MAP4K4: variants seen among roughly 807,000 people sequenced by gnomAD.
The protein encoded by MAP4K4 is HPK/GCK-like kinase HGK.
In MAP4K4, 38 loss-of-function variants were observed where a neutral mutation model predicts 189.6. That is an observed-to-expected ratio of 0.20 (90% confidence interval 0.15 to 0.26). The LOEUF is 0.26. Ranked by LOEUF, MAP4K4 falls within the 10% of genes least tolerant of loss-of-function variation. The pLI, the probability that MAP4K4 is intolerant of heterozygous loss-of-function variation, is 1.00. For missense variants in MAP4K4, 1,054 were observed against 1,726.9 expected, an observed-to-expected ratio of 0.61 and a Z score of 6.91; for synonymous variants, 610 against 624.3, an observed-to-expected ratio of 0.98 and a Z score of 0.34.
chr2:101,859,600 T>G (rs753751621), intron 14 of MAP4K4, 43 bp from the exon 15 acceptor site: 26 of 1,417,502 alleles, frequency 1.8e-5, no homozygotes, highest in Non-Finnish European at 2.3e-5. Flanking sequence ...AGGCGAGCTC[T>G]CCAGTGTCCC....
At chr2:101,707,669 T>C (rs2043044601) in intron 2 of MAP4K4, among the ~76,000 whole-genome samples, 1 of 150,288 alleles carries the variant, frequency 6.7e-6, no homozygotes, top group Non-Finnish European at 1.5e-5. Flanking sequence ...TGCACCACCA[T>C]GTCCAGCTAA....
At chr2:101,712,207 T>C (rs1197966182) in intron 2 of MAP4K4, among the ~76,000 whole-genome samples, 1 of 152,058 alleles carries the variant, frequency 6.6e-6, no homozygotes, top group Non-Finnish European at 1.5e-5. Context: ...TTATTTTTAT[T>C]TTTTTGAGAT....
At chr2:101,755,083 C>T (rs936466159) in intron 2 of MAP4K4, among the ~76,000 whole-genome samples, 1 of 151,946 alleles carries the variant, frequency 6.6e-6, no homozygotes, top group African/African-American at 2.4e-5. Flanking sequence ...TATAGGAATT[C>T]ACTTTGTTTG....
At chr2:101,706,219 G>T (rs2042242671) in intron 2 of MAP4K4, among the ~76,000 whole-genome samples, 1 of 152,092 alleles carries the variant, frequency 6.6e-6, no homozygotes. Context: ...TACTTATGTG[G>T]CTAGTTCATT....
chr2:101,860,623 T>A, intron 15 of MAP4K4: 1 of 497,432 alleles, frequency 2.0e-6, no homozygotes, highest in Non-Finnish European at 3.5e-6. Context: ...CTAATTTTTA[T>A]CTTCATAAAT....
chr2:101,889,860 T>TA (rs1322461647), intron 32 of MAP4K4, among the ~76,000 whole-genome samples: 3 of 152,184 alleles, frequency 2.0e-5, no homozygotes, highest in Non-Finnish European at 1.5e-5. Flanking sequence ...GCTTGCCCGA[T>TA]ACATCCCAAA....
intron 27 of MAP4K4, among the ~76,000 whole-genome samples, chr2:101,879,489 A>G (rs775896940): frequency 5.9e-5 from 9 of 152,194 alleles, no homozygotes; most frequent in Non-Finnish European, 1.0e-4. Flanking sequence ...AACATTATAT[A>G]TAAAACTGTG....
chr2:101,757,757 C>T (rs531237507), intron 2 of MAP4K4, among the ~76,000 whole-genome samples: 83 of 152,342 alleles, frequency 5.4e-4, no homozygotes, highest in Non-Finnish European at 6.9e-4. Context: ...TGGTGGCTCA[C>T]GCCTGTAATG....
At chr2:101,699,662 T>C (rs1452996451) in intron 2 of MAP4K4, among the ~76,000 whole-genome samples, 1 of 151,766 alleles carries the variant, frequency 6.6e-6, no homozygotes, top group Non-Finnish European at 1.5e-5. Context: ...GTGGATCTTA[T>C]TGTCTCTTTT....
intron 2 of MAP4K4, among the ~76,000 whole-genome samples, chr2:101,705,653 A>G (rs1423552333): frequency 2.0e-5 from 3 of 152,260 alleles, no homozygotes; most frequent in East Asian, 3.8e-4. Flanking sequence ...TTAAAAAAGT[A>G]TAAGAAACTC....
At chr2:101,891,988 A>T (rs1331540715) in exon 33 of MAP4K4, 15 of 17,250 alleles carry the variant, frequency 8.7e-4, no homozygotes, top group South Asian at 6.4e-3. Flanking sequence ...AGATGGTTCT[A>T]AAAAAAAAAA....
chr2:101,699,520 T>TAG (rs2036942722), intron 2 of MAP4K4, among the ~76,000 whole-genome samples: 1 of 152,200 alleles, frequency 6.6e-6, no homozygotes, highest in Non-Finnish European at 1.5e-5. Flanking sequence ...AGTGTTCTGT[T>TAG]AGAGTCGGTA....
rs755511353 is a variant in MAP4K4, at chr2:101,887,950, T to TG, written c.3931+17dup. The TG allele has an allele frequency of 1.3e-6, 2 of 1,569,968 alleles. No individual in the cohort carries two copies. The highest frequency in any genetic ancestry group is 1.2e-5 in the South Asian group (1 of 83,200). Reference sequence around the variant, plus strand: ...CCTACATCAGTAGGTATGGAGAACTTGGGGAAAGGCAGCATTTGTGAAAAT... The same window carrying TG: ...CCTACATCAGTAGGTATGGAGAACTTGGGGGAAAGGCAGCATTTGTGAAAAT... On this transcript the variant is annotated intron_variant, in intron 31 of 32. Coordinates refer to ENST00000324219, the Ensembl canonical transcript of MAP4K4.
intron 12 of MAP4K4, among the ~76,000 whole-genome samples, chr2:101,852,508 G>A (rs192148662): frequency 1.3e-5 from 2 of 152,118 alleles, no homozygotes; most frequent in South Asian, 2.1e-4. Flanking sequence ...GTAACCAAAG[G>A]TATAGTAGTA....
chr2:101,891,432 CT>C (rs905094821), exon 33 of MAP4K4: 15,243 of 433,062 alleles, frequency 0.035, no homozygotes, highest in Middle Eastern at 0.048. Context: ...TATCCCCATT[CT>C]TTTTTTTTTT....
chr2:101,705,135 T>G (rs1573834916), intron 2 of MAP4K4, among the ~76,000 whole-genome samples: 1 of 152,354 alleles, frequency 6.6e-6, no homozygotes, highest in East Asian at 1.9e-4. Flanking sequence ...ACAAACTTTG[T>G]TATCTAGATA....
At chr2:101,887,379 T>A in intron 30 of MAP4K4, 142 bp downstream of exon 30, 1 of 766,872 alleles carries the variant, frequency 1.3e-6, no homozygotes, top group Non-Finnish European at 2.0e-6. Context: ...GATACGCAAT[T>A]TTCAATAGCT....
intron 26 of MAP4K4, among the ~76,000 whole-genome samples, chr2:101,876,687 C>A (rs1181611570): frequency 1.3e-5 from 2 of 152,120 alleles, no homozygotes. Flanking sequence ...AAATAATCAG[C>A]ATATAACATT....
At chr2:101,816,912 A>G (rs754394256) in intron 3 of MAP4K4, among the ~76,000 whole-genome samples, 24 of 152,156 alleles carry the variant, frequency 1.6e-4, no homozygotes, top group Non-Finnish European at 2.5e-4. Context: ...GAGGACCCTC[A>G]GTCCAAGGAC....
Sources: allele counts gnomAD v4.1 joint callset (sites outside exome capture counted in the v4.1 genomes callset), GRCh38; gene constraint gnomAD v4.1.1; transcripts MANE v1.5; gene names NCBI Gene and HGNC (gene_info 2026-07-23, HGNC 2026-07-21).